The following TAF4 variants were observed in gnomAD, a reference collection of about 807,000 sequenced individuals.
TAF4 encodes transcription initiation factor TFIID subunit 4.
TAF4 carries 9 observed loss-of-function variants against 90.3 expected under a neutral mutation model. The observed-to-expected ratio is 0.10, with a 90% CI of 0.06 to 0.17. The LOEUF is 0.17. Among genes scored for constraint, TAF4 ranks in the 10% least tolerant of loss-of-function variants. TAF4 has a pLI of 1.00. For missense variants in TAF4, 1,351 were observed against 1,370.7 expected, an observed-to-expected ratio of 0.99 and a Z score of 0.23; for synonymous variants, 818 against 638.9, an observed-to-expected ratio of 1.28 and a Z score of -4.23.
chr20:62,053,318 T>C (rs1210423829), intron 1 of TAF4, among the ~76,000 whole-genome samples: 4 of 72,620 alleles, frequency 5.5e-5, no homozygotes, highest in Admixed American at 2.4e-4. Flanking sequence ...CAGGAGCCCA[T>C]GAGGCCGCGG....
chr20:62,008,381 G>T (rs1014433120), intron 5 of TAF4, among the ~76,000 whole-genome samples: 1 of 152,184 alleles, frequency 6.6e-6, no homozygotes, highest in Admixed American at 6.5e-5. Context: ...TGAGCCACGA[G>T]ACAGCCATGA....
chr20:62,002,496 A>C (rs1431033234), intron 9 of TAF4, among the ~76,000 whole-genome samples: 1 of 152,186 alleles, frequency 6.6e-6, no homozygotes, highest in Non-Finnish European at 1.5e-5. Flanking sequence ...AAAGCACAGC[A>C]GTTATTTTTC....
chr20:62,026,992 C>T (rs1294692751), intron 1 of TAF4, among the ~76,000 whole-genome samples: 2 of 152,314 alleles, frequency 1.3e-5, no homozygotes, highest in East Asian at 3.9e-4. Context: ...AATTCCTCTG[C>T]GACTCAACAG....
At chr20:62,032,855 C>T (rs1450586501) in intron 1 of TAF4, among the ~76,000 whole-genome samples, 5 of 152,168 alleles carry the variant, frequency 3.3e-5, no homozygotes, top group Non-Finnish European at 7.3e-5. Flanking sequence ...GGATGGTACA[C>T]ACCCTCCTAG....
At chr20:61,999,324 G>A (rs563956764) in intron 11 of TAF4, among the ~76,000 whole-genome samples, 17 of 152,214 alleles carry the variant, frequency 1.1e-4, no homozygotes, top group Non-Finnish European at 2.1e-4. Context: ...GCTGTCTCAG[G>A]GGCACACTTG....
intron 1 of TAF4, among the ~76,000 whole-genome samples, chr20:62,033,237 A>C (rs891628280): frequency 6.6e-6 from 1 of 152,192 alleles, no homozygotes; most frequent in African/African-American, 2.4e-5. Context: ...TCCATGAAGC[A>C]ACAAGGGGAG....
chr20:61,992,045 A>G (rs561045795), intron 14 of TAF4, among the ~76,000 whole-genome samples: 2 of 152,334 alleles, frequency 1.3e-5, no homozygotes, highest in Admixed American at 1.3e-4. Context: ...GCACAAACTC[A>G]TCAGCAGGTG....
chr20:62,036,611 G>A (rs1045253165), intron 1 of TAF4, among the ~76,000 whole-genome samples: 1 of 152,200 alleles, frequency 6.6e-6, no homozygotes, highest in Non-Finnish European at 1.5e-5. Flanking sequence ...ACCAACAGGG[G>A]TTATGCTAGG....
chr20:62,065,243 C>A lies in TAF4; in HGVS notation c.568G>T (p.Ala190Ser), dbSNP rs746867084. 2 of 1,056,866 alleles carry A rather than the reference C, an allele frequency of 1.9e-6. No individual in the cohort carries two copies. Among genetic ancestry groups the A allele is most frequent in the South Asian group, 1.9e-5 (1 of 52,654 alleles). 65.5% of individuals were successfully genotyped at this position (1,056,866 alleles called of 1,614,324 possible). A position where few individuals can be genotyped will look rare whatever the true frequency, so the allele number is the denominator to read the frequency against. ...PGPGPGPGKP[A>S]GPGAAQTLNG... ...AAAGTTTGCGCGGCGCCGGGGCCGG[C>A]GGGCTTGCCAGGGCCAGGGCCGGGG... The change falls in exon 1 of 15, where the codon GCC becomes TCC. Residue 190 changes from alanine (A) to serine (S), a missense_variant. Coordinates refer to ENST00000252996, the MANE Select transcript of TAF4 (RefSeq NM_003185.4).
At chr20:61,985,945 AC>A (rs2055587831) in intron 14 of TAF4, among the ~76,000 whole-genome samples, 1 of 151,728 alleles carries the variant, frequency 6.6e-6, no homozygotes, top group African/African-American at 2.4e-5. Context: ...GACCAAAGGA[AC>A]CACCATCCCC....
At chr20:62,039,514 T>G (rs1568939532) in intron 1 of TAF4, among the ~76,000 whole-genome samples, 1 of 152,148 alleles carries the variant, frequency 6.6e-6, no homozygotes, top group African/African-American at 2.4e-5. Flanking sequence ...AGGCAAAAAT[T>G]TATTTAAGAA....
At chr20:61,978,717 G>A (rs990698567) in intron 14 of TAF4, among the ~76,000 whole-genome samples, 5 of 152,166 alleles carry the variant, frequency 3.3e-5, no homozygotes, top group East Asian at 3.9e-4. Context: ...AAGGGAGGGG[G>A]CGAGACCAAC....
intron 1 of TAF4, among the ~76,000 whole-genome samples, chr20:62,027,441 C>T (rs150475131): frequency 2.6e-5 from 4 of 152,182 alleles, no homozygotes; most frequent in Non-Finnish European, 4.4e-5. Context: ...CTGTCTCCCC[C>T]CTCAACGCAA....
chr20:62,026,578 C>G (rs1318297561), intron 1 of TAF4, among the ~76,000 whole-genome samples: 10 of 152,200 alleles, frequency 6.6e-5, no homozygotes. Flanking sequence ...TGGCTCCAGC[C>G]CCCATCTCCA....
chr20:62,044,351 T>C (rs1312663925), intron 1 of TAF4, among the ~76,000 whole-genome samples: 2 of 152,212 alleles, frequency 1.3e-5, no homozygotes, highest in African/African-American at 2.4e-5. Flanking sequence ...AAAAAGAATA[T>C]ATGTGTGTAT....
chr20:62,015,720 G>A (rs965942522), intron 1 of TAF4, among the ~76,000 whole-genome samples: 2 of 152,180 alleles, frequency 1.3e-5, no homozygotes, highest in African/African-American at 2.4e-5. Flanking sequence ...CGAAAAAGAT[G>A]AAGTAAGGCC....
intron 14 of TAF4, among the ~76,000 whole-genome samples, chr20:61,988,185 G>A (rs1419350225): frequency 6.6e-6 from 1 of 152,164 alleles, no homozygotes; most frequent in Non-Finnish European, 1.5e-5. Context: ...CACCAAGAGT[G>A]CACCCTGATG....
chr20:62,064,321 C>A (rs1473141025), intron 1 of TAF4, 130 bp downstream of exon 1: 2 of 1,122,868 alleles, frequency 1.8e-6, no homozygotes, highest in Non-Finnish European at 2.3e-6. Context: ...AGAGACTGCC[C>A]CTCGGCCTGC....
intron 2 of TAF4, among the ~76,000 whole-genome samples, chr20:62,013,637 C>T (rs972144376): frequency 2.6e-5 from 4 of 152,236 alleles, no homozygotes; most frequent in Admixed American, 6.5e-5. Flanking sequence ...ACGCAGCTCA[C>T]GTAGCAGGAG....
Sources: gnomAD v4.1 joint callset for allele counts (sites outside exome capture counted in the v4.1 genomes callset) on GRCh38, gnomAD v4.1.1 for gene constraint, MANE v1.5 for transcripts, NCBI Gene and HGNC (gene_info 2026-07-23, HGNC 2026-07-21) for gene names.